Variants in HECTD2 observed in about 807,000 individuals in gnomAD.
HECTD2 encodes HECT domain E3 ubiquitin protein ligase 2.
Under a neutral mutation model 103.2 loss-of-function variants are expected in HECTD2, and 35 were observed. The observed-to-expected ratio is 0.34, with a 90% confidence interval of 0.26 to 0.45. The LOEUF is 0.45. Ranked by LOEUF, HECTD2 falls within the 20% of genes least tolerant of loss-of-function variation. HECTD2 has a pLI of 1.00. For synonymous variants in HECTD2, 281 were observed against 329.9 expected (o/e 0.85, Z 1.61); for missense variants, 596 against 937.4 (o/e 0.64, Z 4.76).
intron 15 of HECTD2, among the ~76,000 whole-genome samples, chr10:91,496,586 G>A (rs1846673666): frequency 6.6e-6 from 1 of 152,172 alleles, no homozygotes; most frequent in Admixed American, 6.5e-5. Flanking sequence ...TAGAGAGGCA[G>A]TAATTCGAAT....
intron 15 of HECTD2, 141 bp downstream of exon 15, chr10:91,496,513 A>G: frequency 1.6e-6 from 1 of 608,444 alleles, no homozygotes; most frequent in Non-Finnish European, 2.7e-6. Context: ...TTTTTCATCT[A>G]GCTTTTTCTT....
At chr10:91,455,858 G>C (rs1845063528) in intron 2 of HECTD2, among the ~76,000 whole-genome samples, 1 of 151,990 alleles carries the variant, frequency 6.6e-6, no homozygotes, top group African/African-American at 2.4e-5. Context: ...GTTTTTGTCA[G>C]GTTTGTCAAA....
chr10:91,427,473 T>A (rs1255091840), intron 2 of HECTD2, among the ~76,000 whole-genome samples: 7 of 152,172 alleles, frequency 4.6e-5, no homozygotes, highest in Non-Finnish European at 4.4e-5. Flanking sequence ...ACCAACAGTG[T>A]AAGAGTGTTC....
At chr10:91,470,132 A>G (rs1845672154) in intron 5 of HECTD2, among the ~76,000 whole-genome samples, 1 of 152,208 alleles carries the variant, frequency 6.6e-6, no homozygotes. Context: ...GGAGACTTCA[A>G]CACCCCACTG....
chr10:91,477,518 T>A (rs1480091513), intron 5 of HECTD2, among the ~76,000 whole-genome samples: 1 of 152,132 alleles, frequency 6.6e-6, no homozygotes, highest in Non-Finnish European at 1.5e-5. Context: ...GGGGTTACTG[T>A]AAGCAGAGGA....
intron 10 of HECTD2, 25 bp downstream of exon 10, chr10:91,485,328 ATCCAC>A: frequency 2.6e-6 from 4 of 1,555,502 alleles, no homozygotes; most frequent in Non-Finnish European, 3.5e-6. Context: ...TCCTTTGATT[ATCCAC>A]CTAAATGAAA....
chr10:91,504,820 A>C (rs1260977782), intron 20 of HECTD2, among the ~76,000 whole-genome samples: 2 of 151,944 alleles, frequency 1.3e-5, no homozygotes, highest in Non-Finnish European at 2.9e-5. Flanking sequence ...CAAGACACAT[A>C]ATTGTCAGAT....
chr10:91,496,290 G>A lies in HECTD2; in HGVS notation c.1598G>A (p.Ser533Asn). The change falls in exon 15 of 21, where the codon AGC becomes AAC. Residue 533 changes from serine to asparagine, a missense_variant. Transcript: ENST00000298068. ...CCCTGCTGTTACAAGAAATTATTGA[G>A]CCCTCCCATCATTCCTAGTGATCAA... ...FPPCCYKKLL[S>N]PPIIPSDQNI... 6.2e-7 allele frequency: 1 copy of A among 1,611,800 alleles called. No individual in the cohort carries two copies.
chr10:91,483,098 A>C (rs1410091562), intron 8 of HECTD2, 22 bp downstream of exon 8: 1 of 1,107,002 alleles, frequency 9.0e-7, no homozygotes, highest in Non-Finnish European at 1.4e-6. Context: ...TATGATATTA[A>C]GAACTTTTAT....
At chr10:91,426,478 A>G (rs568409166) in intron 2 of HECTD2, among the ~76,000 whole-genome samples, 3 of 152,072 alleles carry the variant, frequency 2.0e-5, no homozygotes, top group Admixed American at 6.6e-5. Flanking sequence ...TGCTAGACCT[A>G]TTCTACATTC....
chr10:91,450,129 A>G (rs868099478), intron 2 of HECTD2, among the ~76,000 whole-genome samples: 37 of 152,298 alleles, frequency 2.4e-4, no homozygotes, highest in African/African-American at 8.4e-4. Flanking sequence ...ACTTCAAACT[A>G]CAAGGCTACA....
chr10:91,410,821 A>G (rs1258553300), intron 1 of HECTD2, among the ~76,000 whole-genome samples: 1 of 152,032 alleles, frequency 6.6e-6, no homozygotes, highest in Non-Finnish European at 1.5e-5. Context: ...GTTCCGCTGG[A>G]TGTTTGGGTT....
chr10:91,490,629 C>T (rs978578842), intron 11 of HECTD2, among the ~76,000 whole-genome samples: 2 of 151,888 alleles, frequency 1.3e-5, no homozygotes, highest in South Asian at 4.1e-4. Flanking sequence ...CGGTGGCTCA[C>T]GCCTGTAATC....
At chr10:91,437,892 T>C (rs1401447447) in intron 2 of HECTD2, among the ~76,000 whole-genome samples, 3 of 151,976 alleles carry the variant, frequency 2.0e-5, no homozygotes, top group African/African-American at 7.2e-5. Flanking sequence ...TAAGAAATGA[T>C]ATAAACTAGT....
At chr10:91,425,528 G>A in intron 2 of HECTD2, 118 bp downstream of exon 2, 1 of 647,728 alleles carries the variant, frequency 1.5e-6, no homozygotes, top group Non-Finnish European at 2.3e-6. Flanking sequence ...AAAAGAAGCT[G>A]TATACGTATT....
intron 11 of HECTD2, among the ~76,000 whole-genome samples, chr10:91,490,707 C>T (rs917210690): frequency 2.7e-5 from 4 of 150,776 alleles, no homozygotes; most frequent in South Asian, 2.1e-4. Flanking sequence ...CTGGCTAACA[C>T]GGTGAAACCC....
intron 1 of HECTD2, among the ~76,000 whole-genome samples, chr10:91,413,809 A>G (rs189155112): frequency 1.2e-3 from 182 of 152,330 alleles, no homozygotes; most frequent in Non-Finnish European, 1.7e-3. Context: ...TTCCAGTTAG[A>G]GATTCTCAAG....
In HECTD2 at chr10:91,444,759, AAT is replaced by A. The variant is rs1280387639; in HGVS notation, c.269-15666_269-15665del. Among the ~76,000 whole-genome samples the A allele has an allele frequency of 2.9e-4, 31 of 105,712 alleles. 1 individual carries two copies. The highest frequency in any genetic ancestry group is 2.4e-3 in the Admixed American group (30 of 12,710). The allele number at this position is 105,712 out of a possible 152,430, so 69.4% of individuals were successfully genotyped here. ...AATTAGACCTCAAACTGACATTATA[AAT>A]AGAGGCAAATCTTTGTTCTATCATA... On this transcript the variant is annotated intron_variant, in intron 2 of 20. Transcript: ENST00000298068.
intron 1 of HECTD2, among the ~76,000 whole-genome samples, chr10:91,422,745 C>T (rs1450044745): frequency 3.3e-5 from 5 of 152,228 alleles, no homozygotes; most frequent in Admixed American, 2.0e-4. Context: ...TATTGTGTAT[C>T]ACTGTCTTAC....
Sources: allele counts gnomAD v4.1 joint callset (sites outside exome capture counted in the v4.1 genomes callset), GRCh38; gene constraint gnomAD v4.1.1; transcripts MANE v1.5; gene names NCBI Gene and HGNC (gene_info 2026-07-23, HGNC 2026-07-21).